TENM3: variants seen among roughly 807,000 people sequenced by gnomAD.
TENM3 encodes the protein teneurin-3.
Under a neutral mutation model 255.1 loss-of-function variants are expected in TENM3, and 63 were observed. That is an observed-to-expected ratio of 0.25 (90% CI 0.20 to 0.30). The LOEUF is 0.30. Among genes scored for constraint, TENM3 ranks in the 10% least tolerant of loss-of-function variants. TENM3 has a pLI of 1.00. For missense variants in TENM3, 2,929 were observed against 3,461.1 expected (o/e 0.85, Z 3.86); for synonymous variants, 1,306 against 1,322.3 (o/e 0.99, Z 0.27).
intron 3 of TENM3, among the ~76,000 whole-genome samples, chr4:182,560,272 TA>T (rs1010582756): frequency 6.6e-6 from 1 of 152,050 alleles, no homozygotes; most frequent in African/African-American, 2.4e-5. Flanking sequence ...ACAAGGAAAC[TA>T]AAAAACTGAA....
chr4:182,527,078 A>G (rs1260757922), intron 3 of TENM3, among the ~76,000 whole-genome samples: 2 of 152,142 alleles, frequency 1.3e-5, no homozygotes, highest in East Asian at 1.9e-4. Flanking sequence ...TAGAGATATA[A>G]TGAGTTGTCT....
chr4:181,853,420 G>A, the TENM3 span, among the ~76,000 whole-genome samples: 3 of 152,252 alleles, frequency 2.0e-5, no homozygotes, highest in Admixed American at 6.5e-5. Flanking sequence ...ACCATGTTCC[G>A]TGAAAATATA....
the TENM3 span, among the ~76,000 whole-genome samples, chr4:181,936,830 G>C: frequency 6.6e-6 from 1 of 151,898 alleles, no homozygotes; most frequent in African/African-American, 2.4e-5. Context: ...CAGAAGGGGA[G>C]AGCAGCAGGC....
chr4:181,830,253 G>GCTA, the TENM3 span, among the ~76,000 whole-genome samples: 4 of 151,962 alleles, frequency 2.6e-5, no homozygotes, highest in Non-Finnish European at 5.9e-5. Flanking sequence ...TGCTGCTGCT[G>GCTA]CTTTTTTTGT....
chr4:181,854,638 T>C, the TENM3 span, among the ~76,000 whole-genome samples: 8 of 152,254 alleles, frequency 5.3e-5, no homozygotes, highest in Non-Finnish European at 1.2e-4. Flanking sequence ...CATGCCTTTG[T>C]CTGAGACTTG....
At chr4:181,956,841 T>A in the TENM3 span, among the ~76,000 whole-genome samples, 1 of 152,198 alleles carries the variant, frequency 6.6e-6, no homozygotes, top group African/African-American at 2.4e-5. Context: ...TACATATGAT[T>A]TAGATTAACG....
intron 2 of TENM3, among the ~76,000 whole-genome samples, chr4:182,336,088 C>T (rs1764119869): frequency 6.6e-6 from 1 of 152,164 alleles, no homozygotes; most frequent in Admixed American, 6.5e-5. Flanking sequence ...ATGGAAGCGG[C>T]TACTGTAGGC....
the TENM3 span, among the ~76,000 whole-genome samples, chr4:181,923,050 T>C: frequency 2.6e-5 from 4 of 152,144 alleles, no homozygotes; most frequent in East Asian, 7.7e-4. Context: ...CGGCTTTGAG[T>C]GAGTTTCTTA....
chr4:182,195,415 G>A (rs1753780829), intron 1 of TENM3, among the ~76,000 whole-genome samples: 2 of 152,238 alleles, frequency 1.3e-5, no homozygotes, highest in Admixed American at 1.3e-4. Context: ...AAAGTGGGAG[G>A]ATCTCTTGAG....
chr4:182,098,694 A>G, the TENM3 span, among the ~76,000 whole-genome samples: 2 of 152,156 alleles, frequency 1.3e-5, no homozygotes, highest in African/African-American at 4.8e-5. Flanking sequence ...AGGGGAGATA[A>G]GAAGGGGGTG....
chr4:182,756,035 C>G lies in TENM3; in HGVS notation c.4892+776C>G, dbSNP rs532183003. Among the ~76,000 whole-genome samples, 3 of 152,330 alleles carry G rather than the reference C, an allele frequency of 2.0e-5. No homozygotes were observed. The East Asian group carries it at 5.8e-4, about 29-fold the overall frequency. ...TAGACCTAGCATCTTAGCAAACCTT[C>G]TGAGAAGCATCCCGCAGCTGTGGTT... On this transcript the variant is annotated intron_variant, in intron 22 of 27. Transcript: ENST00000511685.
At chr4:182,674,288 T>C (rs542689259) in intron 7 of TENM3, among the ~76,000 whole-genome samples, 3 of 152,154 alleles carry the variant, frequency 2.0e-5, no homozygotes, top group East Asian at 1.9e-4. Flanking sequence ...AGAAAAGTTA[T>C]CACATATTAA....
intron 1 of TENM3, among the ~76,000 whole-genome samples, chr4:182,261,575 C>A (rs1245507175): frequency 6.6e-6 from 1 of 152,138 alleles, no homozygotes; most frequent in East Asian, 1.9e-4. Flanking sequence ...AGAATAATGG[C>A]CTCTATCTGA....
At chr4:181,495,983 A>T in the TENM3 span, among the ~76,000 whole-genome samples, 1 of 152,038 alleles carries the variant, frequency 6.6e-6, no homozygotes, top group African/African-American at 2.4e-5. Context: ...ATTTGGAGAT[A>T]AAATATCCCC....
chr4:181,796,950 T>G, the TENM3 span, among the ~76,000 whole-genome samples: 1 of 152,120 alleles, frequency 6.6e-6, no homozygotes, highest in Non-Finnish European at 1.5e-5. Context: ...GGGAATGATT[T>G]TTGGACGTTG....
chr4:181,929,819 A>G, the TENM3 span, among the ~76,000 whole-genome samples: 11 of 152,010 alleles, frequency 7.2e-5, no homozygotes, highest in African/African-American at 2.2e-4. Context: ...AATGGAAATC[A>G]TAACAGTCTC....
chr4:182,290,897 T>G (rs1761082372), intron 1 of TENM3, among the ~76,000 whole-genome samples: 1 of 151,952 alleles, frequency 6.6e-6, no homozygotes, highest in South Asian at 2.1e-4. Flanking sequence ...CTCTGTTCAC[T>G]GCAATCTCCA....
At chr4:182,785,907 A>C (rs73869826) in intron 24 of TENM3, among the ~76,000 whole-genome samples, 5,182 of 152,162 alleles carry the variant, frequency 0.034, 314 homozygotes, top group African/African-American at 0.12. Context: ...AGGTCCAGGC[A>C]TGGTAAGGGG....
At chr4:182,612,695 C>T (rs779537265) in intron 4 of TENM3, among the ~76,000 whole-genome samples, 1 of 152,094 alleles carries the variant, frequency 6.6e-6, no homozygotes, top group Non-Finnish European at 1.5e-5. Context: ...TTGACAAGTT[C>T]AGTAAGTCTC....
Sources: allele counts gnomAD v4.1 joint callset (sites outside exome capture counted in the v4.1 genomes callset), GRCh38; gene constraint gnomAD v4.1.1; transcripts MANE v1.5; gene names NCBI Gene and HGNC (gene_info 2026-07-23, HGNC 2026-07-21).